NXPH1: variants seen among roughly 807,000 people sequenced by gnomAD.
NXPH1 encodes neurexophilin-1.
NXPH1 carries 5 observed loss-of-function variants against 23.7 expected under a neutral mutation model. The ratio of observed to expected loss-of-function variants is 0.21; its 90% CI spans 0.11 to 0.44. The LOEUF (loss-of-function observed/expected upper bound fraction) is 0.44, where lower values mean the gene tolerates loss of function less well. Ranked by LOEUF, NXPH1 falls within the 20% of genes least tolerant of loss-of-function variation. The pLI, the probability that NXPH1 is intolerant of heterozygous loss-of-function variation, is 0.99. For synonymous variants in NXPH1, 144 were observed against 122.2 expected (o/e 1.18, Z -1.18); for missense variants, 324 against 321.6 (o/e 1.01, Z -0.06).
At chr7:8,582,339 G>A (rs1818895228) in intron 2 of NXPH1, among the ~76,000 whole-genome samples, 1 of 152,188 alleles carries the variant, frequency 6.6e-6, no homozygotes, top group South Asian at 2.1e-4. Context: ...TTTCAGTCCT[G>A]CCATTTGGCA....
At chr7:8,619,450 A>G (rs1819817045) in intron 2 of NXPH1, among the ~76,000 whole-genome samples, 1 of 152,186 alleles carries the variant, frequency 6.6e-6, no homozygotes, top group South Asian at 2.1e-4. Context: ...TGTTTGCTTA[A>G]GCAAATGATG....
intron 2 of NXPH1, among the ~76,000 whole-genome samples, chr7:8,511,018 G>A (rs6978582): frequency 0.27 from 41,386 of 151,894 alleles, 5,965 homozygotes; most frequent in Middle Eastern, 0.32. Flanking sequence ...AATAAAGGAG[G>A]GGTCAAAGTA....
At chr7:8,570,234 C>T (rs1818619073) in intron 2 of NXPH1, among the ~76,000 whole-genome samples, 1 of 151,928 alleles carries the variant, frequency 6.6e-6, no homozygotes, top group Non-Finnish European at 1.5e-5. Flanking sequence ...TCAGCAGTTT[C>T]ATGCAGTTCA....
At chr7:8,605,285 G>T (rs951370237) in intron 2 of NXPH1, among the ~76,000 whole-genome samples, 2 of 152,124 alleles carry the variant, frequency 1.3e-5, no homozygotes, top group Non-Finnish European at 2.9e-5. Context: ...AGATGGCAAA[G>T]TCCTAAAACC....
chr7:8,731,480 T>C (rs1248877642), intron 2 of NXPH1, among the ~76,000 whole-genome samples: 2 of 152,312 alleles, frequency 1.3e-5, no homozygotes, highest in Non-Finnish European at 1.5e-5. Context: ...TTTTATCTAC[T>C]TTTGGTCTTT....
chr7:8,674,186 CA>C (rs1820913712), intron 2 of NXPH1, among the ~76,000 whole-genome samples: 2 of 145,216 alleles, frequency 1.4e-5, no homozygotes, highest in Admixed American at 6.9e-5. Context: ...CACACACACA[CA>C]CACACACACA....
intron 2 of NXPH1, among the ~76,000 whole-genome samples, chr7:8,746,947 C>T (rs753923583): frequency 1.8e-4 from 27 of 151,410 alleles, no homozygotes; most frequent in African/African-American, 3.6e-4. Flanking sequence ...CTCTTAAATC[C>T]GATTATAAAT....
At chr7:8,724,460 A>G (rs559697099) in intron 2 of NXPH1, among the ~76,000 whole-genome samples, 2 of 152,372 alleles carry the variant, frequency 1.3e-5, no homozygotes, top group Non-Finnish European at 2.9e-5. Flanking sequence ...CACAGTGCTC[A>G]AGGTAAAACA....
intron 2 of NXPH1, among the ~76,000 whole-genome samples, chr7:8,570,435 G>T (rs1584239420): frequency 6.6e-6 from 1 of 152,104 alleles, no homozygotes; most frequent in East Asian, 1.9e-4. Context: ...TTATAGGATT[G>T]TTATGAAGAC....
In NXPH1 at chr7:8,527,465, C is replaced by T. The variant is rs1404801407; in HGVS notation, c.54+91698C>T. ...GTCTTTTTGGATAAAACTAACATGG[C>T]TCCTCCTTAAAAAATGACAGCATTA... On this transcript the variant is annotated intron_variant, in intron 2 of 2. Transcript: ENST00000405863. 3.9e-5 allele frequency among the ~76,000 whole-genome samples: 6 copies of T among 152,262 alleles called. No homozygotes were observed. The East Asian group carries it at 9.6e-4, about 24-fold the overall frequency.
chr7:8,683,135 G>T (rs2115178273), intron 2 of NXPH1, among the ~76,000 whole-genome samples: 1 of 152,298 alleles, frequency 6.6e-6, no homozygotes, highest in South Asian at 2.1e-4. Context: ...TTTTATCCAG[G>T]TCGAAGGTGA....
chr7:8,525,189 G>A (rs2128616410), intron 2 of NXPH1, among the ~76,000 whole-genome samples: 1 of 152,318 alleles, frequency 6.6e-6, no homozygotes, highest in East Asian at 1.9e-4. Flanking sequence ...TGGAGCAAAG[G>A]TGACTCTTGT....
intron 2 of NXPH1, among the ~76,000 whole-genome samples, chr7:8,465,261 A>AT (rs534816889): frequency 1.3e-3 from 195 of 152,278 alleles, no homozygotes; most frequent in African/African-American, 4.4e-3. Context: ...TTACAGAAAC[A>AT]TTTTTCTACT....
intron 2 of NXPH1, among the ~76,000 whole-genome samples, chr7:8,653,365 G>A (rs10236261): frequency 0.7 from 106,948 of 152,030 alleles, 38,269 homozygotes; most frequent in East Asian, 0.98. Flanking sequence ...TTACTCTTGC[G>A]TTGTCCTGTG....
intron 2 of NXPH1, among the ~76,000 whole-genome samples, chr7:8,608,437 C>T (rs747250058): frequency 1.3e-5 from 2 of 151,848 alleles, no homozygotes; most frequent in East Asian, 1.9e-4. Flanking sequence ...AAGCAAGCCT[C>T]CCACCTCAGT....
At chr7:8,740,733 T>G (rs1774527656) in intron 2 of NXPH1, among the ~76,000 whole-genome samples, 1 of 152,072 alleles carries the variant, frequency 6.6e-6, no homozygotes, top group African/African-American at 2.4e-5. Context: ...TCCTTTAAAT[T>G]TATTTATTTA....
intron 2 of NXPH1, among the ~76,000 whole-genome samples, chr7:8,566,787 G>A (rs975286107): frequency 6.6e-6 from 1 of 151,892 alleles, no homozygotes; most frequent in South Asian, 2.1e-4. Context: ...GGTGGCCTGG[G>A]TCTTGGGACT....
chr7:8,634,697 C>G (rs1820191929), intron 2 of NXPH1, among the ~76,000 whole-genome samples: 1 of 76,370 alleles, frequency 1.3e-5, no homozygotes, highest in African/African-American at 5.3e-5. Context: ...TTTTTTTTTC[C>G]AAAGAGCAGC....
chr7:8,665,020 T>C (rs1302580526), intron 2 of NXPH1, among the ~76,000 whole-genome samples: 1 of 151,978 alleles, frequency 6.6e-6, no homozygotes, highest in African/African-American at 2.4e-5. Flanking sequence ...TAAAGTTTTA[T>C]ATGTTATGTA....
Sources: gnomAD v4.1 joint callset for allele counts (sites outside exome capture counted in the v4.1 genomes callset) on GRCh38, gnomAD v4.1.1 for gene constraint, MANE v1.5 for transcripts, NCBI Gene and HGNC (gene_info 2026-07-23, HGNC 2026-07-21) for gene names.